The following RGL2 variants were observed in gnomAD, a reference collection of about 807,000 sequenced individuals.
RGL2 encodes ral guanine nucleotide dissociation stimulator like 2.
A neutral mutation model predicts 84.6 loss-of-function variants in RGL2; 40 were observed. The observed-to-expected ratio is 0.47, with a 90% CI of 0.37 to 0.62. The LOEUF is 0.62. RGL2 is among the 20% of genes least tolerant of loss of function. RGL2 has a pLI of 0.00. For synonymous variants in RGL2, 369 were observed against 417.3 expected, an observed-to-expected ratio of 0.88 and a Z score of 1.41; for missense variants, 865 against 1,019.7, an observed-to-expected ratio of 0.85 and a Z score of 2.07.
chr6:33,295,929 A>G lies in RGL2; in HGVS notation c.768+99T>C. 6.7e-7 allele frequency: 1 copy of G among 1,497,718 alleles called. No individual in the cohort carries two copies. Among genetic ancestry groups the G allele is most frequent in the Non-Finnish European group, 9.2e-7 (1 of 1,088,664 alleles). The allele number at this position is 1,497,718 out of a possible 1,614,324, so 92.8% of individuals were successfully genotyped here. A position where few individuals can be genotyped will look rare whatever the true frequency, so the allele number is the denominator to read the frequency against. On this transcript the variant is annotated intron_variant, in intron 6 of 17. Transcript: ENST00000497454. This position sits in a 1 kb window ranked among gnomAD's most constrained non-coding sequence, Gnocchi z 7.2. ...AAAATGGTAGGTGGAGGAGGCTAGG[A>G]GCTGGATCAGGAAGGGGTGGAAGCA...
In RGL2 at chr6:33,294,940, C is replaced by T; in HGVS notation, c.1278+37G>A. Reference sequence around the variant, plus strand: ...AACATACTCCTCACCCCTTCATAATCACCACCCCCACGCCCACCACCCCGC... The same window carrying T: ...AACATACTCCTCACCCCTTCATAATTACCACCCCCACGCCCACCACCCCGC... On this transcript the variant is annotated intron_variant, in intron 10 of 17. Coordinates refer to ENST00000497454, the MANE Select transcript of RGL2 (RefSeq NM_004761.5). This position sits in a 1 kb window ranked among gnomAD's most constrained non-coding sequence, Gnocchi z 5.0. 1 of 1,549,048 alleles carries T rather than the reference C, an allele frequency of 6.5e-7. No homozygotes were observed. The highest frequency in any genetic ancestry group is 1.4e-5 in the African/African-American group (1 of 73,104).
At position 33,295,446 on chromosome 6, in the gene RGL2, TA is replaced by T. The variant is rs1336410097; in HGVS notation, c.1021-25del. 1 of 1,613,342 alleles carries T rather than the reference TA, an allele frequency of 6.2e-7. No homozygotes were observed. Among genetic ancestry groups the T allele is most frequent in the Non-Finnish European group, 8.5e-7 (1 of 1,179,992 alleles). ...TCCTGTGGGGGTCAAAGAAGAGAGC[TA>T]AGGCTATGGGAGGCCTCTCCATTCC... On this transcript the variant is annotated intron_variant, in intron 7 of 17. Transcript: ENST00000497454. This position sits in a 1 kb window ranked among gnomAD's most constrained non-coding sequence, Gnocchi z 7.2.
Position 33,295,989 on chromosome 6 carries a change from G to A in RGL2, c.768+39C>T. On this transcript the variant is annotated intron_variant, in intron 6 of 17. Coordinates refer to ENST00000497454, the MANE Select transcript of RGL2 (RefSeq NM_004761.5). The surrounding 1 kb of genome is among the most constrained non-coding windows in gnomAD (Gnocchi z 7.2). ...TCTGGAGTCAAGGAGAGGTTAGTAA[G>A]GGGTCAGGGGGCATAGGGGCCAGAG... 6.2e-7 allele frequency: 1 copy of A among 1,610,042 alleles called. No individual in the cohort carries two copies. Among genetic ancestry groups the A allele is most frequent in the Non-Finnish European group, 8.5e-7 (1 of 1,177,486 alleles).
At position 33,291,737 on chromosome 6, in the gene RGL2, G is replaced by A. The variant is rs1029617704; in HGVS notation, c.*365C>T. The A allele has an allele frequency of 4.8e-5, 20 of 414,214 alleles. 1 individual carries two copies. The Admixed American group carries it at 6.9e-4, about 14-fold the overall frequency. 25.7% of individuals were successfully genotyped at this position (414,214 alleles called of 1,614,324 possible). A position where few individuals can be genotyped will look rare whatever the true frequency, so the allele number is the denominator to read the frequency against. On this transcript the variant is annotated 3_prime_UTR_variant, in exon 18 of 18. Transcript: ENST00000497454. ...CCAGAGTGGGAAGAAGAGCTCCTGCGAGGACCTACATTTTGCCATTCCCCT... is the reference window on the plus strand; with the variant it reads ...CCAGAGTGGGAAGAAGAGCTCCTGCAAGGACCTACATTTTGCCATTCCCCT...
In RGL2 at chr6:33,292,934, T is replaced by C. The variant is rs1767558488; in HGVS notation, c.2007+82A>G. The C allele has an allele frequency of 2.0e-6, 3 of 1,534,134 alleles. No individual in the cohort carries two copies. The African/African-American group carries it at 4.1e-5, about 21-fold the overall frequency. ...AAATTAAAACTACATTCAATTCCAT[T>C]TGGCTGCCCAAACCTCAGACAACAT... is the stretch of plus-strand genomic sequence containing the variant. On this transcript the variant is annotated intron_variant, in intron 16 of 17. Coordinates refer to ENST00000497454, the MANE Select transcript of RGL2 (RefSeq NM_004761.5).
rs371599759 is a variant in RGL2 at position 33,294,003 on chromosome 6, G to C, written c.1386+31C>G. 34 of 1,613,858 alleles carry C rather than the reference G, an allele frequency of 2.1e-5. No homozygotes were observed. The highest frequency in any genetic ancestry group is 2.5e-5 in the Non-Finnish European group (29 of 1,180,010). On this transcript the variant is annotated intron_variant, in intron 12 of 17. Coordinates refer to ENST00000497454, the MANE Select transcript of RGL2 (RefSeq NM_004761.5). This position sits in a 1 kb window ranked among gnomAD's most constrained non-coding sequence, Gnocchi z 5.0. The stretch of plus-strand genomic sequence containing the variant: ...CCCTTCCTGGAACATGGATAGGGAA[G>C]TCCAGCATCCAGCCCAGACACTCCG...
rs1366408470 is a variant in RGL2 at position 33,293,860 on chromosome 6, G to A, written c.1443C>T (p.Asn481=). Residue 481 remains asparagine, a synonymous_variant, in exon 13 of 18, where the codon AAC becomes AAT. Coordinates refer to ENST00000497454, the MANE Select transcript of RGL2 (RefSeq NM_004761.5). This position sits in a 1 kb window ranked among gnomAD's most constrained non-coding sequence, Gnocchi z 7.0. ...TCTGGATATCATGGTCAGGTTGGAG[G>A]TTATAGCCACGACATTCATTCTGGA... The part of the protein sequence containing the change: ...RRLQNECRGY[N]LQPDHDIQRW... The A allele has an allele frequency of 1.9e-6, 3 of 1,614,132 alleles. No homozygotes were observed. The highest frequency in any genetic ancestry group is 3.3e-5 in the Admixed American group (2 of 60,016).
At position 33,296,688 on chromosome 6, in the gene RGL2, G is replaced by A; in HGVS notation, c.329C>T (p.Ser110Leu). ...LVRHLLDTRT[S>L]GTDVSFMSAF... Reference sequence around the variant, plus strand: ...TGACATGAAGCTCACATCAGTCCCTGATGTCCGGGTATCCAGTAGGTGTCT... The same window carrying A: ...TGACATGAAGCTCACATCAGTCCCTAATGTCCGGGTATCCAGTAGGTGTCT... Residue 110 changes from serine to leucine, a missense_variant, in exon 4 of 18, where the codon TCA (serine) becomes TTA (leucine). Ser to Leu is a moderately radical substitution (Grantham distance 145, BLOSUM62 -2). Coordinates refer to ENST00000497454, the MANE Select transcript of RGL2 (RefSeq NM_004761.5). This position sits in a 1 kb window ranked among gnomAD's most constrained non-coding sequence, Gnocchi z 5.0. 1 of 1,614,010 alleles carries A rather than the reference G, an allele frequency of 6.2e-7. No individual in the cohort carries two copies. Among genetic ancestry groups the A allele is most frequent in the East Asian group, 2.2e-5 (1 of 44,880 alleles).
Position 33,293,582 on chromosome 6 carries a change from C to T in RGL2, c.1604+22G>A, listed in dbSNP as rs769774044. On this transcript the variant is annotated intron_variant, in intron 14 of 17. Transcript: ENST00000497454. This position sits in a 1 kb window ranked among gnomAD's most constrained non-coding sequence, Gnocchi z 7.0. The stretch of plus-strand genomic sequence containing the variant: ...AAAGTGGAAGTCCCAAGAAACCACC[C>T]CCCAGCCAGTGAATCTCTCACTCTG... 2.5e-5 allele frequency: 41 copies of T among 1,613,100 alleles called. 1 individual carries two copies. In the East Asian group the frequency reaches 8.9e-4, roughly 35 times the overall value.
rs774418946 is a variant in RGL2, at chr6:33,295,459, G to C, written c.1021-37C>G. 2 of 1,613,384 alleles carry C rather than the reference G, an allele frequency of 1.2e-6. No individual in the cohort carries two copies. The highest frequency in any genetic ancestry group is 2.2e-5 in the East Asian group (1 of 44,888). ...AAAGAAGAGAGCTAAGGCTATGGGA[G>C]GCCTCTCCATTCCATGGCCACAAAC... On this transcript the variant is annotated intron_variant, in intron 7 of 17. Coordinates refer to ENST00000497454, the MANE Select transcript of RGL2 (RefSeq NM_004761.5). This position sits in a 1 kb window ranked among gnomAD's most constrained non-coding sequence, Gnocchi z 7.2.
Position 33,297,085 on chromosome 6 carries a change from C to T in RGL2, c.187G>A (p.Asp63Asn), listed in dbSNP as rs777902690. 1.9e-6 allele frequency: 3 copies of T among 1,568,616 alleles called. No homozygotes were observed. Among genetic ancestry groups the T allele is most frequent in the Non-Finnish European group, 1.7e-6 (2 of 1,160,558 alleles). The change falls in exon 3 of 18, where the codon GAT becomes AAT. Residue 63 changes from aspartate to asparagine, a missense_variant. This residue lies in a region of RGL2 where 455 missense variants were observed against 507.8 expected (regional missense o/e 0.90). Coordinates refer to ENST00000497454, the MANE Select transcript of RGL2 (RefSeq NM_004761.5). The surrounding 1 kb of genome is among the most constrained non-coding windows in gnomAD (Gnocchi z 4.0). ...APVSVWDEEEDGAVFTVTSRQ... is the reference protein window; with the variant it reads ...APVSVWDEEENGAVFTVTSRQ... Reference sequence around the variant, plus strand: ...CTTGTGACGGTAAACACGGCACCATCCTCCTCCTCATCCCAGACGGACACA... The same window carrying T: ...CTTGTGACGGTAAACACGGCACCATTCTCCTCCTCATCCCAGACGGACACA...
chr6:33,298,581 CA>C lies in RGL2; in HGVS notation c.29del (p.Leu10TrpfsTer11). The C allele has an allele frequency of 1.4e-6, 2 of 1,463,542 alleles. No individual in the cohort carries two copies. The highest frequency in any genetic ancestry group is 1.8e-6 in the Non-Finnish European group (2 of 1,107,644). The allele number at this position is 1,463,542 out of a possible 1,614,324, so 90.7% of individuals were successfully genotyped here. Reference protein sequence around the residue: MLPRPLRLLLDTSPPGGVVL... With the variant: MLPRPLRLLXDTSPPGGVVL... Reference sequence around the variant, plus strand: ...CGACTCCCCCGGGGGGGCTCGTGTCCAAAAGCAGCCGCAGGGGCCGCGGGAG... The same window carrying C: ...CGACTCCCCCGGGGGGGCTCGTGTCCAAAGCAGCCGCAGGGGCCGCGGGAG... On this transcript the variant is annotated frameshift_variant, in exon 2 of 18. Transcript: ENST00000497454. LOFTEE classifies it high-confidence loss of function. This position sits in a 1 kb window ranked among gnomAD's most constrained non-coding sequence, Gnocchi z 4.8.
chr6:33,293,785 C>G lies in RGL2; in HGVS notation c.1508+10G>C. The G allele has an allele frequency of 6.2e-7, 1 of 1,613,970 alleles. No homozygotes were observed. The highest frequency in any genetic ancestry group is 8.5e-7 in the Non-Finnish European group (1 of 1,179,850). Reference sequence around the variant, plus strand: ...AGAACCCTGGAGTCCCAACCTCACCCGCCAGTCACCTCTGAGCCTCTGTCA... The same window carrying G: ...AGAACCCTGGAGTCCCAACCTCACCGGCCAGTCACCTCTGAGCCTCTGTCA... On this transcript the variant is annotated intron_variant, in intron 13 of 17. Coordinates refer to ENST00000497454, the MANE Select transcript of RGL2 (RefSeq NM_004761.5). This position sits in a 1 kb window ranked among gnomAD's most constrained non-coding sequence, Gnocchi z 7.0.
Position 33,294,174 on chromosome 6 carries a change from C to T in RGL2, c.1354-108G>A. 7.4e-7 allele frequency: 1 copy of T among 1,345,326 alleles called. No individual in the cohort carries two copies. The allele number at this position is 1,345,326 out of a possible 1,614,324, so 83.3% of individuals were successfully genotyped here. On this transcript the variant is annotated intron_variant, in intron 11 of 17. Transcript: ENST00000497454. The surrounding 1 kb of genome is among the most constrained non-coding windows in gnomAD (Gnocchi z 5.0). The stretch of plus-strand genomic sequence containing the variant: ...CACAGCCACATCCAACTCACAACCA[C>T]TTCCCTCCAGCCTCTCTGACTCTTC...
In RGL2 at chr6:33,298,657, G is replaced by A; in HGVS notation, c.-41-6C>T. The A allele has an allele frequency of 1.7e-6, 2 of 1,170,978 alleles. No homozygotes were observed. Among genetic ancestry groups the A allele is most frequent in the South Asian group, 3.3e-5 (2 of 60,584 alleles). 72.5% of individuals were successfully genotyped at this position (1,170,978 alleles called of 1,614,324 possible). A position where few individuals can be genotyped will look rare whatever the true frequency, so the allele number is the denominator to read the frequency against. ...GGGTCGGGCCATGGGGGCGCCTGGG[G>A]AGAGACGGGGTGGGGTGGGGGTGGA... is the stretch of plus-strand genomic sequence containing the variant. On this transcript the variant is annotated splice_polypyrimidine_tract_variant and splice_region_variant and intron_variant, in intron 1 of 17. Transcript: ENST00000497454. This position sits in a 1 kb window ranked among gnomAD's most constrained non-coding sequence, Gnocchi z 4.8.
Position 33,295,419 on chromosome 6 carries a change from A to C in RGL2, c.1024T>G (p.Cys342Gly), listed in dbSNP as rs371683462. ...GAAGAGAAGTTTCGGAGCAGCCGGC[A>C]CTCCTGTGGGGGTCAAAGAAGAGAG... ...LEKWIRVAEECRLLRNFSSVY... is the reference protein window; with the variant it reads ...LEKWIRVAEEGRLLRNFSSVY... The change falls in exon 8 of 18, where the codon TGC becomes GGC. Residue 342 changes from cysteine (C) to glycine (G), a missense_variant. Physicochemically the swap from Cys to Gly is radical, Grantham distance 159 (BLOSUM62 -3). Coordinates refer to ENST00000497454, the MANE Select transcript of RGL2 (RefSeq NM_004761.5). The surrounding 1 kb of genome is among the most constrained non-coding windows in gnomAD (Gnocchi z 7.2). The C allele has an allele frequency of 6.2e-7, 1 of 1,612,594 alleles. No individual in the cohort carries two copies.
intron 16 of RGL2, 46 bp downstream of exon 16, chr6:33,292,970 A>G (rs1385711157): frequency 1.2e-6 from 2 of 1,611,536 alleles, no homozygotes; most frequent in Admixed American, 1.7e-5. Flanking sequence ...TTATAGTCCA[A>G]CAAGACACCA....
chr6:33,292,505 C>T lies in RGL2; in HGVS notation c.2047G>A (p.Val683Ile), dbSNP rs754644434. Residue 683 changes from valine (V) to isoleucine (I), a missense_variant, in exon 17 of 18, where the codon GTC becomes ATC. Physicochemically the swap from Val to Ile is conservative, Grantham distance 29. This residue lies in a region of RGL2 where 302 missense variants were observed against 327.9 expected (regional missense o/e 0.92). Transcript: ENST00000497454. ...GAGTCACGATTGTTTTTCTTAAGGACACGACTGATGACACTTGGAGCCTTG... is the reference window on the plus strand; with the variant it reads ...GAGTCACGATTGTTTTTCTTAAGGATACGACTGATGACACTTGGAGCCTTG... ...QDKAPSVISR[V>I]LKKNNRDSAV... The T allele has an allele frequency of 2.5e-6, 4 of 1,614,158 alleles. No homozygotes were observed. The South Asian group carries it at 4.4e-5, about 18-fold the overall frequency.
rs773936651 is a variant in RGL2, at chr6:33,293,427, T to A, written c.1702A>T (p.Thr568Ser). 5 of 1,613,606 alleles carry A rather than the reference T, an allele frequency of 3.1e-6. No individual in the cohort carries two copies. The highest frequency in any genetic ancestry group is 4.2e-6 in the Non-Finnish European group (5 of 1,179,826). Residue 568 changes from threonine to serine, a missense_variant, in exon 15 of 18, where the codon ACT (threonine) becomes TCT (serine). By Grantham distance (58) the Thr-to-Ser change is moderately conservative (BLOSUM62 1). Transcript: ENST00000497454. This position sits in a 1 kb window ranked among gnomAD's most constrained non-coding sequence, Gnocchi z 7.0. ...EAPTTPAPLL[T>S]RLAQHMKWPS... ...GCAGAGCTCACCTGGGCCAGCCGAG[T>A]CAGCAGAGGAGCAGGAGTTGTAGGC...
Sources: allele counts gnomAD v4.1 joint callset, GRCh38; gene constraint gnomAD v4.1.1; regional missense constraint gnomAD v4.1.1; non-coding constraint Gnocchi (gnomAD v3.1); transcripts MANE v1.5; gene names NCBI Gene and HGNC (gene_info 2026-07-23, HGNC 2026-07-21).